The following COL4A1 variants were observed in gnomAD, a reference collection of about 807,000 sequenced individuals.
COL4A1 encodes the protein collagen alpha-1(IV) chain.
COL4A1 carries 40 observed loss-of-function variants against 216.6 expected under a neutral mutation model. That is an observed-to-expected ratio of 0.18 (90% CI 0.14 to 0.24). The LOEUF is 0.24. Among genes scored for constraint, COL4A1 ranks in the 10% least tolerant of loss-of-function variants. The pLI, the probability that COL4A1 is intolerant of heterozygous loss-of-function variation, is 1.00. For synonymous variants in COL4A1, 839 were observed against 810.7 expected, an observed-to-expected ratio of 1.03 and a Z score of -0.59; for missense variants, 1,628 against 2,196.8, an observed-to-expected ratio of 0.74 and a Z score of 5.18.
At chr13:110,199,140 C>A (rs1317603324) in intron 20 of COL4A1, among the ~76,000 whole-genome samples, 1 of 152,196 alleles carries the variant, frequency 6.6e-6, no homozygotes, top group Admixed American at 6.5e-5. Flanking sequence ...GGTTCAGCCA[C>A]TGTAACTCTG....
At chr13:110,245,616 G>A (rs1020760465) in intron 1 of COL4A1, among the ~76,000 whole-genome samples, 3 of 152,206 alleles carry the variant, frequency 2.0e-5, no homozygotes, top group Non-Finnish European at 4.4e-5. Flanking sequence ...CTGAAAGGTT[G>A]ATAAAATCTC....
chr13:110,173,739 C>T (rs1877748794), intron 40 of COL4A1, among the ~76,000 whole-genome samples, 161 bp downstream of exon 40: 1 of 152,274 alleles, frequency 6.6e-6, no homozygotes, highest in Middle Eastern at 3.4e-3. Flanking sequence ...CCACTCATCC[C>T]ACTCTACTCC....
At position 110,189,962 on chromosome 13, in the gene COL4A1, T is replaced by G. The variant is rs368077832; in HGVS notation, c.1536+2252A>C. On this transcript the variant is annotated intron_variant, in intron 24 of 51. Coordinates refer to ENST00000375820, the MANE Select transcript of COL4A1 (RefSeq NM_001845.6). ...ACACTGAACTGGCAATATTCATCCA[T>G]TAAAAAATACTAGTGTAAGAAATTA... is the stretch of plus-strand genomic sequence containing the variant. Among the ~76,000 whole-genome samples the G allele has an allele frequency of 5.3e-5, 8 of 152,228 alleles. No homozygotes were observed. In the East Asian group the frequency reaches 1.3e-3, roughly 26 times the overall value.
At chr13:110,191,844 A>G (rs1032172353) in intron 24 of COL4A1, among the ~76,000 whole-genome samples, 6 of 152,216 alleles carry the variant, frequency 3.9e-5, no homozygotes, top group African/African-American at 1.4e-4. Context: ...GAAAGACGGC[A>G]CTTCGGCTCT....
At chr13:110,208,928 T>C (rs763975193) in intron 11 of COL4A1, 38 bp from the exon 12 acceptor site, 1 of 1,599,804 alleles carries the variant, frequency 6.3e-7, no homozygotes, top group Admixed American at 1.7e-5. Context: ...ATTAGATTTG[T>C]CTACTTCGTT....
chr13:110,184,908 G>C (rs1323725784), intron 26 of COL4A1, among the ~76,000 whole-genome samples: 4 of 152,054 alleles, frequency 2.6e-5, no homozygotes, highest in Non-Finnish European at 5.9e-5. Context: ...GACCTCAGGT[G>C]ATCTGCCCAC....
At chr13:110,243,738 G>C (rs1351607780) in intron 1 of COL4A1, among the ~76,000 whole-genome samples, 1 of 152,202 alleles carries the variant, frequency 6.6e-6, no homozygotes, top group Admixed American at 6.5e-5. Context: ...CAGGTGCCAC[G>C]CACAGTCAGC....
intron 2 of COL4A1, among the ~76,000 whole-genome samples, chr13:110,222,772 TAAAAAAAAAA>T (rs943734573): frequency 2.2e-5 from 2 of 92,074 alleles, no homozygotes; most frequent in African/African-American, 8.5e-5. Context: ...GACTCTGCTT[TAAAAAAAAAA>T]AAAAAAAAAA....
At chr13:110,278,484 T>A (rs1338935028) in intron 1 of COL4A1, among the ~76,000 whole-genome samples, 1 of 152,226 alleles carries the variant, frequency 6.6e-6, no homozygotes, top group Non-Finnish European at 1.5e-5. Flanking sequence ...AAGCACTTCC[T>A]AGACATTTCT....
chr13:110,198,358 T>C (rs1359497955), intron 21 of COL4A1, 109 bp downstream of exon 21: 1 of 1,206,294 alleles, frequency 8.3e-7, no homozygotes, highest in East Asian at 2.3e-5. Context: ...ATCCACGCCT[T>C]TCTATTACAC....
intron 1 of COL4A1, among the ~76,000 whole-genome samples, chr13:110,246,333 T>C (rs1402890336): frequency 6.6e-6 from 1 of 150,628 alleles, no homozygotes; most frequent in African/African-American, 2.4e-5. Context: ...AGTTCAATGG[T>C]TCACTGCTAA....
At chr13:110,273,837 T>C (rs575808554) in intron 1 of COL4A1, among the ~76,000 whole-genome samples, 9 of 152,272 alleles carry the variant, frequency 5.9e-5, no homozygotes, top group African/African-American at 2.2e-4. Flanking sequence ...TTGTTCAGGG[T>C]TGCAGACGCG....
chr13:110,259,802 T>C (rs532914262), intron 1 of COL4A1, among the ~76,000 whole-genome samples: 1 of 152,372 alleles, frequency 6.6e-6, no homozygotes, highest in South Asian at 2.1e-4. Context: ...GGGAGCTAAG[T>C]GCTGCCTTCT....
intron 18 of COL4A1, 135 bp downstream of exon 18, chr13:110,203,431 T>C: frequency 1.1e-6 from 1 of 927,560 alleles, no homozygotes; most frequent in South Asian, 1.3e-5. Context: ...GCCCTGCATC[T>C]CCTCTCCTTC....
intron 1 of COL4A1, among the ~76,000 whole-genome samples, chr13:110,286,467 G>A (rs1344261612): frequency 2.6e-5 from 4 of 152,198 alleles, no homozygotes; most frequent in East Asian, 1.9e-4. Flanking sequence ...TTCAGATTGT[G>A]TGGGGGAGAG....
rs538816765 is a variant in COL4A1, at chr13:110,212,457, G to C, written c.347C>G (p.Pro116Arg). The change falls in exon 6 of 52, where the codon CCG becomes CGG. Residue 116 changes from proline (P) to arginine (R), a missense_variant. Pro to Arg is a moderately radical substitution (Grantham distance 103). Around this residue, in one of 8 missense-constraint regions of COL4A1, gnomAD observed 150 missense variants for 211.9 expected, o/e 0.71. Coordinates refer to ENST00000375820, the MANE Select transcript of COL4A1 (RefSeq NM_001845.6). ...TCCTGGAATACCTGGGGGGCCTGGC[G>C]GGCCGTCTTGGCCAGGAATTCCCTG... ...GLPGIPGQDG[P>R]PGPPGIPGCN... 5 of 1,613,962 alleles carry C rather than the reference G, an allele frequency of 3.1e-6. No individual in the cohort carries two copies. In the Admixed American group the frequency reaches 6.7e-5, roughly 22 times the overall value.
At chr13:110,170,495 T>C in intron 42 of COL4A1, 52 bp downstream of exon 42, 1 of 1,534,612 alleles carries the variant, frequency 6.5e-7, no homozygotes, top group East Asian at 2.4e-5. Context: ...CTATTTCCTT[T>C]TGTGAATTCT....
At chr13:110,253,605 A>G (rs1404666692) in intron 1 of COL4A1, among the ~76,000 whole-genome samples, 1 of 144,898 alleles carries the variant, frequency 6.9e-6, no homozygotes, top group African/African-American at 2.5e-5. Context: ...ATACGTATGT[A>G]TGTATTACAT....
At chr13:110,284,446 G>T (rs1883759740) in intron 1 of COL4A1, among the ~76,000 whole-genome samples, 2 of 152,162 alleles carry the variant, frequency 1.3e-5, no homozygotes, top group Admixed American at 6.5e-5. Flanking sequence ...TGGTTTTAAC[G>T]TCTTGAGAAG....
Sources: gnomAD v4.1 joint callset for allele counts (sites outside exome capture counted in the v4.1 genomes callset) on GRCh38, gnomAD v4.1.1 for gene constraint, gnomAD v4.1.1 regional missense constraint, MANE v1.5 for transcripts, NCBI Gene and HGNC (gene_info 2026-07-23, HGNC 2026-07-21) for gene names.